Variants in TRAPPC12 observed in about 807,000 individuals in gnomAD.
TRAPPC12 encodes trafficking protein particle complex subunit 12.
Under a neutral mutation model 69.2 loss-of-function variants are expected in TRAPPC12, and 61 were observed. The observed-to-expected ratio is 0.88, with a 90% CI of 0.72 to 1.09. TRAPPC12 has a LOEUF of 1.09. Among genes scored for constraint, TRAPPC12 ranks in the 50% least tolerant of loss-of-function variants. The pLI is 0.00. For missense variants in TRAPPC12, 1,101 were observed against 1,016.4 expected (o/e 1.08, Z -1.13); for synonymous variants, 469 against 438.9 (o/e 1.07, Z -0.86).
rs774048119 is a variant in TRAPPC12, at chr2:3,388,156, A to C, written c.533A>C (p.Gln178Pro). 1.1e-5 allele frequency: 18 copies of C among 1,606,280 alleles called. No individual in the cohort carries two copies. The Admixed American group carries it at 2.9e-4, about 25-fold the overall frequency. The stretch of plus-strand genomic sequence containing the variant: ...GCCTCCGGGGACGGCTTCGAGCCGC[A>C]GATGGTGAAGTCGCCCAGCTTCGGT... ...PPASGDGFEP[Q>P]MVKSPSFGGA... is the part of the protein sequence containing the mutation. Residue 178 changes from glutamine to proline, a missense_variant, in exon 2 of 12, where the codon CAG becomes CCG. Gln to Pro is a moderately conservative substitution (Grantham distance 76, BLOSUM62 -1). Transcript: ENST00000324266.
intron 6 of TRAPPC12, among the ~76,000 whole-genome samples, chr2:3,451,703 T>C (rs1664859236): frequency 6.6e-6 from 1 of 152,092 alleles, no homozygotes; most frequent in South Asian, 2.1e-4. Flanking sequence ...TTTAAACTTT[T>C]TGTAGAGATA....
chr2:3,384,383 C>T (rs1211114625), intron 1 of TRAPPC12, among the ~76,000 whole-genome samples: 1 of 152,112 alleles, frequency 6.6e-6, no homozygotes, highest in Non-Finnish European at 1.5e-5. Flanking sequence ...ACATCTTTAT[C>T]TTTTTTCTAC....
chr2:3,461,381 G>A (rs1665489950), intron 8 of TRAPPC12, among the ~76,000 whole-genome samples: 1 of 152,228 alleles, frequency 6.6e-6, no homozygotes, highest in African/African-American at 2.4e-5. Flanking sequence ...CCAGTGCGGG[G>A]CCGCTGCCTT....
At position 3,460,659 on chromosome 2, in the gene TRAPPC12, C is replaced by T. The variant is rs886787794; in HGVS notation, c.1677+323C>T. 1.2e-4 allele frequency: 36 copies of T among 308,852 alleles called. 1 individual carries two copies. The highest frequency in any genetic ancestry group is 9.6e-4 in the Admixed American group (21 of 21,766). The allele number at this position is 308,852 out of a possible 1,614,324, so 19.1% of individuals were successfully genotyped here. A position where few individuals can be genotyped will look rare whatever the true frequency, so the allele number is the denominator to read the frequency against. On this transcript the variant is annotated intron_variant, in intron 8 of 11. Coordinates refer to ENST00000324266, the MANE Select transcript of TRAPPC12 (RefSeq NM_016030.6). Reference sequence around the variant, plus strand: ...CCATCCCCAGAAGGTGTCCTTTGTTCTCCCTATCTTCGTGGAGGGTGTTTT... The same window carrying T: ...CCATCCCCAGAAGGTGTCCTTTGTTTTCCCTATCTTCGTGGAGGGTGTTTT...
At chr2:3,397,250 A>G (rs536033910) in intron 2 of TRAPPC12, among the ~76,000 whole-genome samples, 35 of 152,286 alleles carry the variant, frequency 2.3e-4, no homozygotes, top group South Asian at 1.9e-3. Flanking sequence ...TTGTTTTTAG[A>G]CTTTTTAGAA....
chr2:3,457,500 A>T, intron 6 of TRAPPC12, 121 bp from the exon 7 acceptor site: 1 of 713,706 alleles, frequency 1.4e-6, no homozygotes, highest in Non-Finnish European at 2.4e-6. Flanking sequence ...GTATGTGTGA[A>T]CATCCCTTGA....
intron 10 of TRAPPC12, chr2:3,478,101 C>T (rs1182025797): frequency 4.9e-6 from 1 of 205,400 alleles, no homozygotes; most frequent in Non-Finnish European, 9.5e-6. Context: ...AGCGGCCGTT[C>T]TGGATCCTGT....
chr2:3,412,132 A>G lies in TRAPPC12; in HGVS notation c.1165-9749A>G, dbSNP rs908578374. On this transcript the variant is annotated intron_variant, in intron 3 of 11. Transcript: ENST00000324266. ...CTGTTCCACAATTTTTTTGCATGCCAAGTGCCACACTAAAGAAATGCTTTT... is the reference window on the plus strand; with the variant it reads ...CTGTTCCACAATTTTTTTGCATGCCGAGTGCCACACTAAAGAAATGCTTTT... Among the ~76,000 whole-genome samples the G allele has an allele frequency of 1.1e-4, 16 of 152,196 alleles. 1 individual carries two copies. Among genetic ancestry groups the G allele is most frequent in the Non-Finnish European group, 2.4e-4 (16 of 68,028 alleles).
At chr2:3,435,875 T>C (rs1663743465) in intron 5 of TRAPPC12, among the ~76,000 whole-genome samples, 1 of 152,270 alleles carries the variant, frequency 6.6e-6, no homozygotes, top group Non-Finnish European at 1.5e-5. Flanking sequence ...ATGAAGGCAC[T>C]GTATAGTACC....
At chr2:3,466,546 A>G (rs1665820103) in intron 9 of TRAPPC12, among the ~76,000 whole-genome samples, 1 of 152,038 alleles carries the variant, frequency 6.6e-6, no homozygotes, top group Admixed American at 6.5e-5. Flanking sequence ...GCCTCTGTGA[A>G]CTCAGGGCCT....
intron 9 of TRAPPC12, among the ~76,000 whole-genome samples, chr2:3,476,071 T>TG (rs1476451937): frequency 6.6e-6 from 1 of 152,178 alleles, no homozygotes; most frequent in African/African-American, 2.4e-5. Flanking sequence ...TCGATAGTAG[T>TG]GGACTTCAAA....
At chr2:3,415,862 G>A (rs938313688) in intron 3 of TRAPPC12, among the ~76,000 whole-genome samples, 5 of 152,110 alleles carry the variant, frequency 3.3e-5, no homozygotes, top group East Asian at 3.9e-4. Flanking sequence ...GACTGCAGGC[G>A]CCCACCACCA....
At chr2:3,409,898 G>A (rs13385285) in intron 3 of TRAPPC12, among the ~76,000 whole-genome samples, 45,246 of 152,018 alleles carry the variant, frequency 0.3, 7,166 homozygotes, top group Middle Eastern at 0.39. Context: ...ATTGCAGTGG[G>A]GGCTCTCCCC....
chr2:3,451,176 C>A (rs955271761), intron 6 of TRAPPC12, among the ~76,000 whole-genome samples: 2 of 152,238 alleles, frequency 1.3e-5, no homozygotes, highest in African/African-American at 4.8e-5. Flanking sequence ...GGACAAAACA[C>A]AAGCAGGTTT....
In TRAPPC12 at chr2:3,414,020, T is replaced by G. The variant is rs540070685; in HGVS notation, c.1165-7861T>G. On this transcript the variant is annotated intron_variant, in intron 3 of 11. Transcript: ENST00000324266. This position sits in a 1 kb window ranked among gnomAD's most constrained non-coding sequence, Gnocchi z 4.9. ...CTCCTGTGCTAGTTCAGGCCTTGTT[T>G]CCTTGTGCCTTGTTCACTAAGCCAG... 5.8e-4 allele frequency among the ~76,000 whole-genome samples: 89 copies of G among 152,210 alleles called. 1 individual carries two copies. The South Asian group carries it at 0.013, about 22-fold the overall frequency.
intron 3 of TRAPPC12, among the ~76,000 whole-genome samples, chr2:3,403,001 C>A (rs973454835): frequency 3.3e-5 from 5 of 152,190 alleles, no homozygotes; most frequent in Non-Finnish European, 7.3e-5. Flanking sequence ...ATAAGTCCCA[C>A]CGGCTGTCTG....
chr2:3,387,731 C>G lies in TRAPPC12; in HGVS notation c.108C>G (p.Ile36Met). ...GGTTGCTCTTCCAGGAGGAAACCATCGATCTTGGCGGAGATGAGTTTGGAT... is the reference window on the plus strand; with the variant it reads ...GGTTGCTCTTCCAGGAGGAAACCATGGATCTTGGCGGAGATGAGTTTGGAT... ...EQGLLFQEET[I>M]DLGGDEFGSE... The change falls in exon 2 of 12, where the codon ATC becomes ATG. Residue 36 changes from isoleucine (I) to methionine (M), a missense_variant. Physicochemically the swap from Ile to Met is conservative, Grantham distance 10. Transcript: ENST00000324266. 1 of 1,606,842 alleles carries G rather than the reference C, an allele frequency of 6.2e-7. No homozygotes were observed. Among genetic ancestry groups the G allele is most frequent in the Non-Finnish European group, 8.5e-7 (1 of 1,176,618 alleles).
In TRAPPC12 at chr2:3,478,879, A is replaced by G; in HGVS notation, c.1911A>G (p.Ala637=). 6.2e-7 allele frequency: 1 copy of G among 1,614,194 alleles called. No homozygotes were observed. Among genetic ancestry groups the G allele is most frequent in the Non-Finnish European group, 8.5e-7 (1 of 1,180,042 alleles). ...AFLHLGQNNF[A]EAHRFFTEIL... ...TTCACCTCGGGCAGAATAACTTTGC[A>G]GAAGCCCACAGGTTCTTCACAGAGA... is the stretch of plus-strand genomic sequence containing the variant. Residue 637 remains alanine, a synonymous_variant, in exon 11 of 12, where the codon GCA becomes GCG. Transcript: ENST00000324266.
In TRAPPC12 at chr2:3,460,293, G is replaced by A; in HGVS notation, c.1634G>A (p.Gly545Asp). The part of the protein sequence containing the change: ...ASIRLWRSRL[G>D]RVMYSMANCL... ...ATCCGGCTGTGGAGGTCACGTCTGG[G>A]CCGGGTGATGTACTCCATGGCAAAC... The change falls in exon 8 of 12, where the codon GGC (glycine) becomes GAC (aspartate). Residue 545 changes from glycine to aspartate, a missense_variant. Gly to Asp is a moderately conservative substitution (Grantham distance 94). Transcript: ENST00000324266. 1.1e-6 allele frequency: 1 copy of A among 874,684 alleles called. No homozygotes were observed. 54.2% of individuals were successfully genotyped at this position (874,684 alleles called of 1,614,324 possible).
Sources: gnomAD v4.1 joint callset for allele counts (sites outside exome capture counted in the v4.1 genomes callset) on GRCh38, gnomAD v4.1.1 for gene constraint, Gnocchi (gnomAD v3.1) non-coding constraint, MANE v1.5 for transcripts, NCBI Gene and HGNC (gene_info 2026-07-23, HGNC 2026-07-21) for gene names.